COLEC11: variants seen among roughly 807,000 people sequenced by gnomAD.
COLEC11 encodes the protein collectin subfamily member 11, also known as collectin-11.
Under a neutral mutation model 27.3 loss-of-function variants are expected in COLEC11, and 20 were observed. That is an observed-to-expected ratio of 0.73 (90% CI 0.51 to 1.06). COLEC11 has a LOEUF of 1.06. Among genes scored for constraint, COLEC11 ranks in the 50% least tolerant of loss-of-function variants. The pLI, the probability that COLEC11 is intolerant of heterozygous loss-of-function variation, is 0.00. For missense variants in COLEC11, 310 were observed against 383.0 expected, an observed-to-expected ratio of 0.81 and a Z score of 1.59; for synonymous variants, 163 against 154.7, an observed-to-expected ratio of 1.05 and a Z score of -0.40.
At chr2:3,639,508 C>T (rs895522353) in intron 4 of COLEC11, among the ~76,000 whole-genome samples, 1 of 152,202 alleles carries the variant, frequency 6.6e-6, no homozygotes, top group African/African-American at 2.4e-5. Flanking sequence ...CTCCTTCCCT[C>T]CTTATGCGAA....
intron 3 of COLEC11, among the ~76,000 whole-genome samples, chr2:3,635,042 C>T (rs1665283981): frequency 7.0e-6 from 1 of 143,462 alleles, no homozygotes; most frequent in South Asian, 2.4e-4. Context: ...CTCAGGTGCC[C>T]TCCTGGCCCT....
rs1444156128 is a variant in COLEC11, at chr2:3,597,366, A to G, written c.-27+2198A>G. 3.7e-5 allele frequency among the ~76,000 whole-genome samples: 5 copies of G among 135,338 alleles called. No individual in the cohort carries two copies. In the South Asian group the frequency reaches 1.2e-3, roughly 34 times the overall value. The allele number at this position is 135,338 out of a possible 152,430, so 88.8% of individuals were successfully genotyped here. A position where few individuals can be genotyped will look rare whatever the true frequency, so the allele number is the denominator to read the frequency against. On this transcript the variant is annotated intron_variant, in intron 1 of 6. Coordinates refer to ENST00000349077, the MANE Select transcript of COLEC11 (RefSeq NM_024027.5). Reference sequence around the variant, plus strand: ...ATGGAGTGAAGGCATGAGAAATCCCACCTGGGCTGCTCCGGGGTCAGCGGA... The same window carrying G: ...ATGGAGTGAAGGCATGAGAAATCCCGCCTGGGCTGCTCCGGGGTCAGCGGA...
chr2:3,615,118 T>TTC (rs397795219), intron 3 of COLEC11, among the ~76,000 whole-genome samples: 3 of 97,864 alleles, frequency 3.1e-5, no homozygotes, highest in African/African-American at 9.6e-5. Context: ...CTTTTTTTTT[T>TTC]AAAGGGATTT....
intron 2 of COLEC11, among the ~76,000 whole-genome samples, chr2:3,606,872 A>G (rs1216526058): frequency 6.6e-6 from 1 of 152,192 alleles, no homozygotes; most frequent in Non-Finnish European, 1.5e-5. Context: ...GTCAAAGAGG[A>G]GAGGCAGCGT....
chr2:3,626,145 G>A, intron 3 of COLEC11: 3 of 1,428,932 alleles, frequency 2.1e-6, no homozygotes, highest in Non-Finnish European at 3.0e-6. Flanking sequence ...CTGAGATGCA[G>A]AGAATAGGCA....
Position 3,636,310 on chromosome 2 carries a change from C to T in COLEC11, c.203-1223C>T, listed in dbSNP as rs192162978. Among the ~76,000 whole-genome samples, 9 of 152,312 alleles carry T rather than the reference C, an allele frequency of 5.9e-5. No individual in the cohort carries two copies. The South Asian group carries it at 6.2e-4, about 11-fold the overall frequency. On this transcript the variant is annotated intron_variant, in intron 3 of 6. Coordinates refer to ENST00000349077, the MANE Select transcript of COLEC11 (RefSeq NM_024027.5). ...TCTCTGCTAAAAATACAAAAATTAG[C>T]CTGGCGTGGTGGCGGATGCCTGTAG...
intron 2 of COLEC11, among the ~76,000 whole-genome samples, chr2:3,612,674 C>T (rs1049036096): frequency 6.6e-6 from 1 of 152,080 alleles, no homozygotes; most frequent in African/African-American, 2.4e-5. Context: ...TCCTGAGGCC[C>T]CTGGCCTCAC....
intron 3 of COLEC11, among the ~76,000 whole-genome samples, chr2:3,633,429 C>A (rs915243491): frequency 1.3e-5 from 2 of 152,252 alleles, no homozygotes; most frequent in African/African-American, 4.8e-5. Flanking sequence ...CCAAGGTCAT[C>A]GCTCACACTT....
At chr2:3,634,368 T>A (rs1558514273) in intron 3 of COLEC11, among the ~76,000 whole-genome samples, 1 of 152,182 alleles carries the variant, frequency 6.6e-6, no homozygotes, top group Non-Finnish European at 1.5e-5. Flanking sequence ...TGGCTTTGCA[T>A]TTCTATGGGC....
chr2:3,606,103 G>C, intron 2 of COLEC11: 1 of 1,550,592 alleles, frequency 6.4e-7, no homozygotes, highest in Non-Finnish European at 8.7e-7. Context: ...TAGCGTGTGT[G>C]GGTTTGTGAG....
intron 3 of COLEC11, among the ~76,000 whole-genome samples, chr2:3,619,030 T>G (rs1017160806): frequency 6.6e-6 from 1 of 152,214 alleles, no homozygotes; most frequent in Non-Finnish European, 1.5e-5. Flanking sequence ...GCAACTTTAC[T>G]GAATTTGTTT....
chr2:3,609,632 C>T (rs1020608784), intron 2 of COLEC11, among the ~76,000 whole-genome samples: 3 of 151,702 alleles, frequency 2.0e-5, no homozygotes, highest in African/African-American at 4.8e-5. Context: ...TGGGTTCAAG[C>T]GATTCTCCTG....
chr2:3,622,018 A>G (rs1664222778), intron 3 of COLEC11, among the ~76,000 whole-genome samples: 1 of 151,994 alleles, frequency 6.6e-6, no homozygotes, highest in African/African-American at 2.4e-5. Flanking sequence ...CTCTACTAAA[A>G]ATACAAAAAT....
intron 3 of COLEC11, among the ~76,000 whole-genome samples, chr2:3,620,418 A>G (rs762766857): frequency 1.7e-4 from 25 of 150,836 alleles, no homozygotes; most frequent in Non-Finnish European, 3.3e-4. Flanking sequence ...TGCATTTCTG[A>G]TTTTATTTGA....
At chr2:3,604,526 G>C in intron 2 of COLEC11, 56 bp downstream of exon 2, 3 of 1,588,646 alleles carry the variant, frequency 1.9e-6, no homozygotes, top group South Asian at 1.1e-5. Context: ...CCAGCTGAGA[G>C]ACTCCCATGC....
At chr2:3,609,605 C>T (rs1483617940) in intron 2 of COLEC11, among the ~76,000 whole-genome samples, 18 of 151,714 alleles carry the variant, frequency 1.2e-4, no homozygotes, top group Non-Finnish European at 2.1e-4. Flanking sequence ...TCTTGGCTCA[C>T]TGCAACCTCT....
At chr2:3,633,524 A>G (rs1665163827) in intron 3 of COLEC11, among the ~76,000 whole-genome samples, 3 of 151,854 alleles carry the variant, frequency 2.0e-5, no homozygotes, top group Admixed American at 6.6e-5. Flanking sequence ...GTTCTGAGAA[A>G]CCCTTGCGCT....
At chr2:3,614,677 G>T (rs1572415192) in intron 3 of COLEC11, among the ~76,000 whole-genome samples, 2 of 152,224 alleles carry the variant, frequency 1.3e-5, no homozygotes, top group East Asian at 3.9e-4. Flanking sequence ...AGGGTGCTCA[G>T]AGTAAAACTC....
chr2:3,606,133 T>C (rs1662673080), intron 2 of COLEC11: 1 of 1,550,402 alleles, frequency 6.4e-7, no homozygotes, highest in African/African-American at 1.4e-5. Flanking sequence ...CAGCTTTAGG[T>C]TGGAAACGGT....
Sources: allele counts gnomAD v4.1 joint callset (sites outside exome capture counted in the v4.1 genomes callset), GRCh38; gene constraint gnomAD v4.1.1; transcripts MANE v1.5; gene names NCBI Gene and HGNC (gene_info 2026-07-23, HGNC 2026-07-21).